ILRUN: variants seen among roughly 807,000 people sequenced by gnomAD.
The protein encoded by ILRUN is protein ILRUN.
In ILRUN, 3 loss-of-function variants were observed where a neutral mutation model predicts 33.8. That is an observed-to-expected ratio of 0.09 (90% CI 0.04 to 0.23). The LOEUF is 0.23. Ranked by LOEUF, ILRUN falls within the 10% of genes least tolerant of loss-of-function variation. ILRUN has a pLI of 1.00. For synonymous variants in ILRUN, 124 were observed against 138.9 expected, an observed-to-expected ratio of 0.89 and a Z score of 0.75; for missense variants, 210 against 375.1, an observed-to-expected ratio of 0.56 and a Z score of 3.64.
intron 2 of ILRUN, among the ~76,000 whole-genome samples, chr6:34,647,436 T>C (rs1357429751): frequency 6.6e-6 from 1 of 152,160 alleles, no homozygotes; most frequent in African/African-American, 2.4e-5. Flanking sequence ...TGATCTCCCC[T>C]GATAACATCA....
intron 1 of ILRUN, among the ~76,000 whole-genome samples, chr6:34,659,722 A>G (rs1762849258): frequency 6.7e-6 from 1 of 149,856 alleles, no homozygotes; most frequent in African/African-American, 2.5e-5. Context: ...CCCGGGTTCA[A>G]GCAATTCTCC....
At chr6:34,671,981 C>T (rs962036057) in intron 1 of ILRUN, 4 of 152,170 alleles carry the variant, frequency 2.6e-5, no homozygotes, top group African/African-American at 9.7e-5. Context: ...CTAGTTAGGC[C>T]TCATATCCCC....
chr6:34,638,483 G>A (rs1388569292), intron 3 of ILRUN, among the ~76,000 whole-genome samples: 2 of 152,040 alleles, frequency 1.3e-5, no homozygotes, highest in Non-Finnish European at 2.9e-5. Flanking sequence ...GGAGGCTGAA[G>A]TGGGAGGATC....
At chr6:34,593,658 T>C (rs1761338993) in intron 4 of ILRUN, among the ~76,000 whole-genome samples, 1 of 152,198 alleles carries the variant, frequency 6.6e-6, no homozygotes, top group Non-Finnish European at 1.5e-5. Flanking sequence ...AACTATATAT[T>C]AGAGTTGTTG....
intron 4 of ILRUN, among the ~76,000 whole-genome samples, chr6:34,606,192 T>A (rs1468780791): frequency 6.6e-6 from 1 of 152,100 alleles, no homozygotes; most frequent in African/African-American, 2.4e-5. Flanking sequence ...CAACAAGACA[T>A]GCAAACAGGG....
intron 1 of ILRUN, among the ~76,000 whole-genome samples, chr6:34,692,835 G>A (rs1011682591): frequency 1.3e-5 from 2 of 152,082 alleles, no homozygotes; most frequent in African/African-American, 4.8e-5. Context: ...TGTATGAGAC[G>A]TGCCAACCTT....
At chr6:34,624,309 A>G (rs918373838) in intron 3 of ILRUN, among the ~76,000 whole-genome samples, 1 of 151,934 alleles carries the variant, frequency 6.6e-6, no homozygotes, top group East Asian at 1.9e-4. Context: ...CCAACTAATT[A>G]CCTAATTTAT....
At chr6:34,600,086 C>T (rs1000625051) in intron 4 of ILRUN, among the ~76,000 whole-genome samples, 1 of 152,208 alleles carries the variant, frequency 6.6e-6, no homozygotes, top group African/African-American at 2.4e-5. Flanking sequence ...CTGTTCCTAC[C>T]CTTGCCCTGT....
chr6:34,644,946 A>G (rs1335514419), intron 3 of ILRUN, among the ~76,000 whole-genome samples: 1 of 152,168 alleles, frequency 6.6e-6, no homozygotes, highest in Admixed American at 6.5e-5. Context: ...TGAAGATGGG[A>G]GTGAAAATGA....
chr6:34,669,975 A>G lies in ILRUN; in HGVS notation c.159-15196T>C, dbSNP rs1259391152. Among the ~76,000 whole-genome samples the G allele has an allele frequency of 1.3e-5, 2 of 151,816 alleles. 1 individual carries two copies. The highest frequency in any genetic ancestry group is 1.3e-4 in the Admixed American group (2 of 15,238). ...TGCCCAGGCTGGAATGTAATGGCGCAATCTCGGCTCACTGAAACCTCTGCC... is the reference window on the plus strand; with the variant it reads ...TGCCCAGGCTGGAATGTAATGGCGCGATCTCGGCTCACTGAAACCTCTGCC... On this transcript the variant is annotated intron_variant, in intron 1 of 4. Coordinates refer to ENST00000374023, the MANE Select transcript of ILRUN (RefSeq NM_024294.4).
rs1762563549 is a variant in ILRUN, at chr6:34,646,318, T to A, written c.511+283A>T. 6.6e-6 allele frequency among the ~76,000 whole-genome samples: 1 copy of A among 152,208 alleles called. No individual in the cohort carries two copies. The highest frequency in any genetic ancestry group is 2.1e-4 in the South Asian group (1 of 4,830). On this transcript the variant is annotated intron_variant, in intron 3 of 4. Coordinates refer to ENST00000374023, the MANE Select transcript of ILRUN (RefSeq NM_024294.4). This position sits in a 1 kb window ranked among gnomAD's most constrained non-coding sequence, Gnocchi z 4.9. ...GACTGCCTTTAGTATTCTTACAGTA[T>A]CTACCAGCTTATATAATAAAAACAA... is the stretch of plus-strand genomic sequence containing the variant.
At chr6:34,633,179 G>T (rs757800580) in intron 3 of ILRUN, among the ~76,000 whole-genome samples, 11 of 152,086 alleles carry the variant, frequency 7.2e-5, no homozygotes, top group Non-Finnish European at 1.6e-4. Context: ...AATTATCAGG[G>T]AAGAAAAGGG....
At chr6:34,674,682 A>G (rs1340156106) in intron 1 of ILRUN, among the ~76,000 whole-genome samples, 2 of 152,208 alleles carry the variant, frequency 1.3e-5, no homozygotes, top group South Asian at 2.1e-4. Context: ...TACTCTTTAA[A>G]CCATACATTT....
rs558779342 is a variant in ILRUN at position 34,588,596 on chromosome 6, G to A, written c.*1969C>T. On this transcript the variant is annotated 3_prime_UTR_variant, in exon 5 of 5. Transcript: ENST00000374023. ...AAGCCATCCTGAGGCCTGTGGCGTG[G>A]GTACCTGGCAGAGACTTCCCTCTGC... 1.7e-4 allele frequency: 32 copies of A among 183,294 alleles called. No individual in the cohort carries two copies. Among genetic ancestry groups the A allele is most frequent in the Admixed American group, 3.1e-4 (5 of 16,126 alleles). The allele number at this position is 183,294 out of a possible 1,614,324, so 11.4% of individuals were successfully genotyped here.
intron 3 of ILRUN, among the ~76,000 whole-genome samples, chr6:34,616,353 G>A (rs371209555): frequency 1.3e-3 from 204 of 152,332 alleles, no homozygotes; most frequent in African/African-American, 4.6e-3. Context: ...TAAGGATTAA[G>A]AAACAAAAGG....
rs146591419 is a variant in ILRUN at position 34,655,888 on chromosome 6, A to T, written c.159-1109T>A. 3.4e-3 allele frequency among the ~76,000 whole-genome samples: 517 copies of T among 152,210 alleles called. 1 individual carries two copies. Among genetic ancestry groups the T allele is most frequent in the South Asian group, 0.015 (71 of 4,818 alleles). On this transcript the variant is annotated intron_variant, in intron 1 of 4. Transcript: ENST00000374023. ...TTCTCCCATCTAATAGGTTAAAAAA[A>T]ATATATCTCAGTGAGATCTTGAGAG...
In ILRUN at chr6:34,646,672, C is replaced by T. The variant is rs1425920084; in HGVS notation, c.440G>A (p.Cys147Tyr). The change falls in exon 3 of 5, where the codon TGC (cysteine) becomes TAC (tyrosine). Residue 147 changes from cysteine to tyrosine, a missense_variant. By Grantham distance (194) the Cys-to-Tyr change is radical. This residue lies in a region of ILRUN where 60 missense variants were observed against 138.1 expected (regional missense o/e 0.43). Coordinates refer to ENST00000374023, the MANE Select transcript of ILRUN (RefSeq NM_024294.4). This position sits in a 1 kb window ranked among gnomAD's most constrained non-coding sequence, Gnocchi z 4.9. ...QEIADVSVQM[C>Y]SPSRAGMYQG... ...ATACATTCCTGCTCTGCTGGGGCTG[C>T]ACATCTGGACGCTGACATCTGCAAT... The T allele has an allele frequency of 6.2e-7, 1 of 1,614,056 alleles. No homozygotes were observed. Among genetic ancestry groups the T allele is most frequent in the Non-Finnish European group, 8.5e-7 (1 of 1,180,036 alleles).
intron 1 of ILRUN, chr6:34,686,504 A>C (rs74753449): frequency 7.4e-6 from 1 of 135,524 alleles, no homozygotes; most frequent in African/African-American, 3.1e-5. Flanking sequence ...CGTCTCAAAG[A>C]AAAAAAAAAA....
intron 1 of ILRUN, among the ~76,000 whole-genome samples, chr6:34,663,483 T>C (rs1010657980): frequency 1.3e-5 from 2 of 152,258 alleles, no homozygotes; most frequent in Admixed American, 1.3e-4. Context: ...TAAAGGTTTC[T>C]AAAATTTTTG....
Sources: gnomAD v4.1 joint callset for allele counts (sites outside exome capture counted in the v4.1 genomes callset) on GRCh38, gnomAD v4.1.1 for gene constraint, gnomAD v4.1.1 regional missense constraint, Gnocchi (gnomAD v3.1) non-coding constraint, MANE v1.5 for transcripts, NCBI Gene and HGNC (gene_info 2026-07-23, HGNC 2026-07-21) for gene names.